Variants in TBC1D19 observed in about 807,000 individuals in gnomAD.
The protein encoded by TBC1D19 is TBC1 domain family member 19.
TBC1D19 carries 60 observed loss-of-function variants against 89.0 expected under a neutral mutation model. The observed-to-expected ratio is 0.67, with a 90% CI of 0.55 to 0.84. TBC1D19 has a LOEUF of 0.84. Ranked by LOEUF, TBC1D19 falls within the 40% of genes least tolerant of loss-of-function variation. The pLI, the probability that TBC1D19 is intolerant of heterozygous loss-of-function variation, is 0.00. For missense variants in TBC1D19, 500 were observed against 610.8 expected (o/e 0.82, Z 1.91); for synonymous variants, 189 against 199.7 (o/e 0.95, Z 0.45).
chr4:26,807,706 T>C, the TBC1D19 span, among the ~76,000 whole-genome samples: 206 of 152,326 alleles, frequency 1.4e-3, 3 homozygotes, highest in African/African-American at 4.8e-3. Flanking sequence ...CTCTAGGTCC[T>C]GGATTCTTGG....
At chr4:26,739,311 A>G (rs1022628239) in intron 16 of TBC1D19, among the ~76,000 whole-genome samples, 4 of 152,206 alleles carry the variant, frequency 2.6e-5, no homozygotes, top group African/African-American at 9.6e-5. Context: ...GTTGATGAAT[A>G]TATATGGGGA....
At chr4:26,837,645 C>T in the TBC1D19 span, among the ~76,000 whole-genome samples, 1 of 152,110 alleles carries the variant, frequency 6.6e-6, no homozygotes, top group African/African-American at 2.4e-5. Context: ...TATAACTGGG[C>T]AAAGAAGCTG....
intron 11 of TBC1D19, among the ~76,000 whole-genome samples, chr4:26,674,921 A>G (rs191224990): frequency 3.8e-4 from 58 of 152,164 alleles, no homozygotes; most frequent in Middle Eastern, 3.4e-3. Flanking sequence ...CTTGCAAACT[A>G]TGTATACGTG....
Position 26,681,226 on chromosome 4 carries a change from T to C in TBC1D19, c.817-2449T>C, listed in dbSNP as rs915381676. On this transcript the variant is annotated intron_variant, in intron 11 of 20. Coordinates refer to ENST00000264866, the MANE Select transcript of TBC1D19 (RefSeq NM_018317.4). ...TTTTTTCTGAGATTAGTCAGGCAAT[T>C]TGTGGCCCAGTTTAAGATACATAGA... Among the ~76,000 whole-genome samples the C allele has an allele frequency of 2.6e-5, 4 of 151,864 alleles. 1 individual carries two copies. Among genetic ancestry groups the C allele is most frequent in the Admixed American group, 1.3e-4 (2 of 15,248 alleles).
intron 4 of TBC1D19, among the ~76,000 whole-genome samples, chr4:26,636,490 A>G (rs201951125): frequency 7.5e-5 from 11 of 146,802 alleles, no homozygotes; most frequent in East Asian, 4.1e-4. Flanking sequence ...CAGTATCATA[A>G]AAAAAAAAAA....
chr4:26,699,728 C>A (rs1408667996), intron 13 of TBC1D19, among the ~76,000 whole-genome samples: 2 of 152,076 alleles, frequency 1.3e-5, no homozygotes, highest in African/African-American at 4.8e-5. Flanking sequence ...ATGAATGAAG[C>A]TGGAAACCAT....
intron 1 of TBC1D19, among the ~76,000 whole-genome samples, chr4:26,591,319 T>C (rs1369470889): frequency 6.6e-6 from 1 of 152,102 alleles, no homozygotes; most frequent in Non-Finnish European, 1.5e-5. Flanking sequence ...CTTGGTTGCA[T>C]ACAAATTTTA....
chr4:26,761,491 T>C, the TBC1D19 span, among the ~76,000 whole-genome samples: 1 of 152,224 alleles, frequency 6.6e-6, no homozygotes, highest in Non-Finnish European at 1.5e-5. Flanking sequence ...GTATTTTATT[T>C]CAATTTCCAA....
chr4:26,858,048 G>A, the TBC1D19 span: 1 of 152,392 alleles, frequency 6.6e-6, no homozygotes, highest in South Asian at 2.1e-4. Flanking sequence ...CTCCGCGCAA[G>A]GGCTTTCCCT....
At chr4:26,747,504 A>T (rs1718714181) in intron 18 of TBC1D19, among the ~76,000 whole-genome samples, 1 of 152,214 alleles carries the variant, frequency 6.6e-6, no homozygotes, top group Non-Finnish European at 1.5e-5. Context: ...TAAGATAATT[A>T]ATACAATGAC....
chr4:26,653,254 C>G (rs1744535441), intron 7 of TBC1D19, among the ~76,000 whole-genome samples: 1 of 152,150 alleles, frequency 6.6e-6, no homozygotes, highest in Admixed American at 6.5e-5. Flanking sequence ...GATTTCTGTT[C>G]TTTTACATTT....
intron 1 of TBC1D19, among the ~76,000 whole-genome samples, chr4:26,589,683 ATTG>A (rs1422366988): frequency 5.3e-5 from 8 of 151,990 alleles, no homozygotes; most frequent in South Asian, 4.2e-4. Context: ...TCTGCTTTGT[ATTG>A]TTGTAGGATC....
chr4:26,856,185 T>C, the TBC1D19 span, among the ~76,000 whole-genome samples: 1 of 121,972 alleles, frequency 8.2e-6, no homozygotes, highest in South Asian at 2.7e-4. Context: ...TTCTATGAGA[T>C]GAACTTTTTT....
At chr4:26,635,246 AGGCTTGT>A (rs1328170971) in intron 4 of TBC1D19, among the ~76,000 whole-genome samples, 8 of 152,086 alleles carry the variant, frequency 5.3e-5, no homozygotes, top group African/African-American at 1.9e-4. Flanking sequence ...AGGTAACAGA[AGGCTTGT>A]TAGAGGAAAT....
At chr4:26,643,081 T>C (rs1319666491) in intron 7 of TBC1D19, among the ~76,000 whole-genome samples, 1 of 152,168 alleles carries the variant, frequency 6.6e-6, no homozygotes, top group Admixed American at 6.5e-5. Context: ...GCTGATCTAA[T>C]AGACATCTAC....
chr4:26,612,486 C>A (rs1273478347), intron 1 of TBC1D19, among the ~76,000 whole-genome samples: 1 of 151,888 alleles, frequency 6.6e-6, no homozygotes, highest in African/African-American at 2.4e-5. Flanking sequence ...ATTTGAGATC[C>A]TCTAATAGAA....
At chr4:26,668,522 A>G (rs577499898) in intron 9 of TBC1D19, among the ~76,000 whole-genome samples, 31 of 152,140 alleles carry the variant, frequency 2.0e-4, no homozygotes, top group Middle Eastern at 6.8e-3. Flanking sequence ...GGTAAGTGAC[A>G]GATAAGATAC....
chr4:26,817,347 C>T, the TBC1D19 span, among the ~76,000 whole-genome samples: 1 of 152,204 alleles, frequency 6.6e-6, no homozygotes, highest in Non-Finnish European at 1.5e-5. Flanking sequence ...TAATATTCCC[C>T]AGAAGGGATC....
chr4:26,753,860 G>C lies in TBC1D19; in HGVS notation c.1476G>C (p.Leu492=), dbSNP rs1407269997. ...AAVFAFRAVN[L]MEVTSLAAAE... ...TGTTTGCTTTCCGAGCAGTGAACCT[G>C]ATGGAGGTGACATCACTGGCTGCAG... is the stretch of plus-strand genomic sequence containing the variant. The change falls in exon 20 of 21, where the codon CTG becomes CTC. Residue 492 remains leucine, a synonymous_variant. Transcript: ENST00000264866. 1 of 1,613,990 alleles carries C rather than the reference G, an allele frequency of 6.2e-7. No homozygotes were observed. The highest frequency in any genetic ancestry group is 1.3e-5 in the African/African-American group (1 of 75,038).
Sources: gnomAD v4.1 joint callset for allele counts (sites outside exome capture counted in the v4.1 genomes callset) on GRCh38, gnomAD v4.1.1 for gene constraint, MANE v1.5 for transcripts, NCBI Gene and HGNC (gene_info 2026-07-23, HGNC 2026-07-21) for gene names.